TAP1: variants seen among roughly 807,000 people sequenced by gnomAD.
The protein encoded by TAP1 is antigen peptide transporter 1.
A neutral mutation model predicts 79.3 loss-of-function variants in TAP1; 56 were observed. The observed-to-expected ratio is 0.71, with a 90% CI of 0.57 to 0.88. TAP1 has a LOEUF of 0.88. TAP1 is among the 40% of genes least tolerant of loss of function. The pLI is 0.00. For synonymous variants in TAP1, 355 were observed against 401.4 expected (o/e 0.88, Z 1.38); for missense variants, 737 against 936.3 (o/e 0.79, Z 2.78).
Position 32,852,188 on chromosome 6 carries a change from G to T in TAP1, c.765C>A (p.His255Gln). Reference sequence around the variant, plus strand: ...CCTCTCCCTGCAAGTGGCTGTGCACGTGGCCCATGGTGTTGTTATAGATCC... The same window carrying T: ...CCTCTCCCTGCAAGTGGCTGTGCACTTGGCCCATGGTGTTGTTATAGATCC... ...GDGIYNNTMG[H>Q]VHSHLQGEVF... Residue 255 changes from histidine to glutamine, a missense_variant, in exon 3 of 11, where the codon CAC (histidine) becomes CAA (glutamine). Around this residue, in one of 5 missense-constraint regions of TAP1, gnomAD observed 406 missense variants for 477.2 expected, o/e 0.85. Transcript: ENST00000354258. The surrounding 1 kb of genome is among the most constrained non-coding windows in gnomAD (Gnocchi z 4.8). 6.2e-7 allele frequency: 1 copy of T among 1,613,002 alleles called. No individual in the cohort carries two copies. Among genetic ancestry groups the T allele is most frequent in the Non-Finnish European group, 8.5e-7 (1 of 1,180,008 alleles).
rs1770532085 is a variant in TAP1, at chr6:32,847,840, C to T, written c.1740+79G>A. On this transcript the variant is annotated intron_variant, in intron 8 of 10. Transcript: ENST00000354258. The surrounding 1 kb of genome is among the most constrained non-coding windows in gnomAD (Gnocchi z 4.7). ...CCAAGGTCTCTTATCATTCCCTAAC[C>T]CCTCTTTCAGAGTGCTCAGTAAGAA... 1 of 1,603,144 alleles carries T rather than the reference C, an allele frequency of 6.2e-7. No homozygotes were observed. Among genetic ancestry groups the T allele is most frequent in the Admixed American group, 1.7e-5 (1 of 60,012 alleles).
chr6:32,851,924 T>TGAGAGA lies in TAP1; in HGVS notation c.844+179_844+184dup, dbSNP rs35429362. On this transcript the variant is annotated intron_variant, in intron 3 of 10. Transcript: ENST00000354258. This position sits in a 1 kb window ranked among gnomAD's most constrained non-coding sequence, Gnocchi z 4.8. The stretch of plus-strand genomic sequence containing the variant: ...AAAAACAATTGTGTGTGTGTGTGTG[T>TGAGAGA]GAGAGAGAGAGAGAGAGAGACAGAG... Among the ~76,000 whole-genome samples, 5 of 147,336 alleles carry TGAGAGA rather than the reference T, an allele frequency of 3.4e-5. No individual in the cohort carries two copies. Among genetic ancestry groups the TGAGAGA allele is most frequent in the Admixed American group, 6.7e-5 (1 of 14,826 alleles).
Position 32,850,962 on chromosome 6 carries a change from C to A in TAP1, c.1032G>T (p.Lys344Asn). Residue 344 changes from lysine to asparagine, a missense_variant, in exon 4 of 11, where the codon AAG becomes AAT. Lys to Asn is a moderately conservative substitution (Grantham distance 94, BLOSUM62 0). Around this residue, in one of 5 missense-constraint regions of TAP1, gnomAD observed 406 missense variants for 477.2 expected, o/e 0.85. Transcript: ENST00000354258. This position sits in a 1 kb window ranked among gnomAD's most constrained non-coding sequence, Gnocchi z 5.5. The stretch of plus-strand genomic sequence containing the variant: ...AACATACCTGGTACCATTTTCCCAC[C>A]TTCTTGGGCAGAAGGAAAAGCAGAG... The part of the protein sequence containing the change: ...TLPLLFLLPK[K>N]VGKWYQLLEV... The A allele has an allele frequency of 6.2e-7, 1 of 1,612,852 alleles. No homozygotes were observed. Among genetic ancestry groups the A allele is most frequent in the Non-Finnish European group, 8.5e-7 (1 of 1,179,992 alleles).
intron 7 of TAP1, 72 bp downstream of exon 7, chr6:32,848,580 A>C: frequency 6.6e-7 from 1 of 1,522,504 alleles, no homozygotes; most frequent in South Asian, 1.1e-5. Context: ...AGCAGGCTGA[A>C]GGCAGGAAGA....
chr6:32,848,230 A>G (rs1232084995), intron 7 of TAP1, 138 bp from the exon 8 acceptor site: 1 of 1,180,680 alleles, frequency 8.5e-7, no homozygotes, highest in Non-Finnish European at 1.2e-6. Context: ...TCCCACATGC[A>G]CAGATTTCTG....
Position 32,851,672 on chromosome 6 carries a change from A to T in TAP1, c.844+437T>A, listed in dbSNP as rs958770658. Among the ~76,000 whole-genome samples the T allele has an allele frequency of 2.0e-5, 3 of 152,210 alleles. No individual in the cohort carries two copies. The highest frequency in any genetic ancestry group is 4.4e-5 in the Non-Finnish European group (3 of 68,042). On this transcript the variant is annotated intron_variant, in intron 3 of 10. Coordinates refer to ENST00000354258, the MANE Select transcript of TAP1 (RefSeq NM_000593.6). This position sits in a 1 kb window ranked among gnomAD's most constrained non-coding sequence, Gnocchi z 4.8. ...TCTAACCCCAAGTGTGTCTCTAGCC[A>T]TATGTAACTGTGCAGTTTCAGCATT... is the stretch of plus-strand genomic sequence containing the variant.
rs1330587423 is a variant in TAP1 at position 32,852,380 on chromosome 6, C to A, written c.713+8G>T. On this transcript the variant is annotated splice_region_variant and intron_variant, in intron 2 of 10. Transcript: ENST00000354258. The surrounding 1 kb of genome is among the most constrained non-coding windows in gnomAD (Gnocchi z 4.8). ...ATTTGCAGGGTGCCCCATTTTCAGC[C>A]CCCAGACCTGGCTATGGTGAGAATG... 6 of 1,612,878 alleles carry A rather than the reference C, an allele frequency of 3.7e-6. No individual in the cohort carries two copies. The highest frequency in any genetic ancestry group is 2.5e-6 in the Non-Finnish European group (3 of 1,180,012).
chr6:32,847,298 A>C lies in TAP1; in HGVS notation c.1904-94T>G. On this transcript the variant is annotated intron_variant, in intron 9 of 10. Coordinates refer to ENST00000354258, the MANE Select transcript of TAP1 (RefSeq NM_000593.6). The surrounding 1 kb of genome is among the most constrained non-coding windows in gnomAD (Gnocchi z 4.7). ...CACACTCATGCATTCACGCACTCAC[A>C]CACACCAAGATCTGACGGTTGTAGC... 1 of 1,569,244 alleles carries C rather than the reference A, an allele frequency of 6.4e-7. No individual in the cohort carries two copies. Among genetic ancestry groups the C allele is most frequent in the Admixed American group, 1.8e-5 (1 of 56,500 alleles).
In TAP1 at chr6:32,852,831, C is replaced by G; in HGVS notation, c.598+208G>C. The G allele has an allele frequency of 6.9e-7, 1 of 1,440,402 alleles. No homozygotes were observed. Among genetic ancestry groups the G allele is most frequent in the East Asian group, 2.5e-5 (1 of 40,244 alleles). The allele number at this position is 1,440,402 out of a possible 1,614,324, so 89.2% of individuals were successfully genotyped here. A position where few individuals can be genotyped will look rare whatever the true frequency, so the allele number is the denominator to read the frequency against. On this transcript the variant is annotated intron_variant, in intron 1 of 10. Coordinates refer to ENST00000354258, the MANE Select transcript of TAP1 (RefSeq NM_000593.6). The surrounding 1 kb of genome is among the most constrained non-coding windows in gnomAD (Gnocchi z 4.8). ...CGGCGTGGCCCAAAGAATCAAGACCCGGTCAGCAATGGAGCCCAGAACCTC... is the reference window on the plus strand; with the variant it reads ...CGGCGTGGCCCAAAGAATCAAGACCGGGTCAGCAATGGAGCCCAGAACCTC...
rs745757676 is a variant in TAP1 at position 32,847,020 on chromosome 6, G to C, written c.2040+48C>G. The stretch of plus-strand genomic sequence containing the variant: ...TAAAACTAACAGAAGATGTATAAAA[G>C]AAGCAAGATTGGGTGGGATATAGCC... On this transcript the variant is annotated intron_variant, in intron 10 of 10. Coordinates refer to ENST00000354258, the MANE Select transcript of TAP1 (RefSeq NM_000593.6). The surrounding 1 kb of genome is among the most constrained non-coding windows in gnomAD (Gnocchi z 4.7). 1.2e-6 allele frequency: 2 copies of C among 1,607,166 alleles called. No homozygotes were observed. The highest frequency in any genetic ancestry group is 1.7e-5 in the Admixed American group (1 of 60,022).
chr6:32,852,148 G>A lies in TAP1; in HGVS notation c.805C>T (p.Leu269=), dbSNP rs758910263. The A allele has an allele frequency of 1.9e-6, 3 of 1,612,906 alleles. No individual in the cohort carries two copies. Among genetic ancestry groups the A allele is most frequent in the African/African-American group, 1.3e-5 (1 of 74,888 alleles). Residue 269 remains leucine (L), a synonymous_variant, in exon 3 of 11, where the codon CTG becomes TTG. Transcript: ENST00000354258. This position sits in a 1 kb window ranked among gnomAD's most constrained non-coding sequence, Gnocchi z 4.8. The part of the protein sequence containing the change: ...HLQGEVFGAV[L]RQETEFFQQN... The stretch of plus-strand genomic sequence containing the variant: ...TGGAAAAACTCCGTCTCCTGGCGCA[G>A]GACAGCCCCAAACACCTCTCCCTGC...
At position 32,852,420 on chromosome 6, in the gene TAP1, G is replaced by A; in HGVS notation, c.681C>T (p.Asn227=). Residue 227 remains asparagine, a synonymous_variant, in exon 2 of 11, where the codon AAC becomes AAT. Coordinates refer to ENST00000354258, the MANE Select transcript of TAP1 (RefSeq NM_000593.6). This position sits in a 1 kb window ranked among gnomAD's most constrained non-coding sequence, Gnocchi z 4.8. The part of the protein sequence containing the change: ...QDGSADTFTR[N]LTLMSILTIA... ...TGGTGAGAATGGACATGAGAGTTAAGTTTCGAGTGAAGGTATCGGCTGAGC... is the reference window on the plus strand; with the variant it reads ...TGGTGAGAATGGACATGAGAGTTAAATTTCGAGTGAAGGTATCGGCTGAGC... 2 of 1,613,076 alleles carry A rather than the reference G, an allele frequency of 1.2e-6. No homozygotes were observed. The highest frequency in any genetic ancestry group is 1.7e-6 in the Non-Finnish European group (2 of 1,180,026).
At position 32,852,542 on chromosome 6, in the gene TAP1, CT is replaced by C. The variant is rs759042246; in HGVS notation, c.599-41del. 1.3e-5 allele frequency: 21 copies of C among 1,611,900 alleles called. 1 individual carries two copies. The South Asian group carries it at 2.3e-4, about 18-fold the overall frequency. On this transcript the variant is annotated intron_variant, in intron 1 of 10. Transcript: ENST00000354258. The surrounding 1 kb of genome is among the most constrained non-coding windows in gnomAD (Gnocchi z 4.8). ...GAGAGGTCACGCACAAATATTAAGT[CT>C]AAGTAGGTCAGTTCCAGTCAGACTG...
At position 32,853,544 on chromosome 6, in the gene TAP1, G is replaced by A. The variant is rs1770948499; in HGVS notation, c.93C>T (p.Ala31=). The part of the protein sequence containing the change: ...AWLGTVLLLL[A]DWVLLRTALP... ...GCGCGGTCCGGAGCAGCACCCAGTC[G>A]GCGAGAAGTAGCAGTACTGTCCCCA... The change falls in exon 1 of 11, where the codon GCC becomes GCT. Residue 31 remains alanine (A), a synonymous_variant. Transcript: ENST00000354258. This position sits in a 1 kb window ranked among gnomAD's most constrained non-coding sequence, Gnocchi z 8.3. 1.9e-6 allele frequency: 3 copies of A among 1,610,506 alleles called. No homozygotes were observed. The highest frequency in any genetic ancestry group is 2.2e-5 in the East Asian group (1 of 44,766).
chr6:32,847,448 G>A lies in TAP1; in HGVS notation c.1903+65C>T, dbSNP rs1770502617. 2.5e-6 allele frequency: 4 copies of A among 1,607,532 alleles called. No individual in the cohort carries two copies. Among genetic ancestry groups the A allele is most frequent in the South Asian group, 2.2e-5 (2 of 90,928 alleles). Reference sequence around the variant, plus strand: ...AGTAAGGAGGAACTGAAGGATAAAGGCAAGACTACTGGGGTTTCAGCAAAG... The same window carrying A: ...AGTAAGGAGGAACTGAAGGATAAAGACAAGACTACTGGGGTTTCAGCAAAG... On this transcript the variant is annotated intron_variant, in intron 9 of 10. Coordinates refer to ENST00000354258, the MANE Select transcript of TAP1 (RefSeq NM_000593.6). The surrounding 1 kb of genome is among the most constrained non-coding windows in gnomAD (Gnocchi z 4.7).
intron 5 of TAP1, chr6:32,849,526 G>T: frequency 6.7e-6 from 2 of 297,018 alleles, no homozygotes; most frequent in Non-Finnish European, 1.3e-5. Flanking sequence ...CGGATCACAA[G>T]GTCAGGAGAT....
chr6:32,845,566 T>A lies in TAP1; in HGVS notation c.*13A>T. ...AAGGGAGGGAGATGGAGTGCGCAGG[T>A]CTGAGAAGGCTTTCATTCTGGAGCA... On this transcript the variant is annotated 3_prime_UTR_variant, in exon 11 of 11. Coordinates refer to ENST00000354258, the MANE Select transcript of TAP1 (RefSeq NM_000593.6). The surrounding 1 kb of genome is among the most constrained non-coding windows in gnomAD (Gnocchi z 4.5). 6.2e-7 allele frequency: 1 copy of A among 1,612,844 alleles called. No homozygotes were observed. Among genetic ancestry groups the A allele is most frequent in the Non-Finnish European group, 8.5e-7 (1 of 1,179,898 alleles).
At position 32,850,045 on chromosome 6, in the gene TAP1, A is replaced by T; in HGVS notation, c.1248+275T>A. 1.8e-6 allele frequency: 1 copy of T among 551,852 alleles called. No homozygotes were observed. The highest frequency in any genetic ancestry group is 3.3e-6 in the Non-Finnish European group (1 of 307,276). 34.2% of individuals were successfully genotyped at this position (551,852 alleles called of 1,614,324 possible). A position where few individuals can be genotyped will look rare whatever the true frequency, so the allele number is the denominator to read the frequency against. On this transcript the variant is annotated intron_variant, in intron 5 of 10. Coordinates refer to ENST00000354258, the MANE Select transcript of TAP1 (RefSeq NM_000593.6). The surrounding 1 kb of genome is among the most constrained non-coding windows in gnomAD (Gnocchi z 5.5). ...GCCCTGCACTTCCCCTGAGAGGCAA[A>T]GGAAGGCCCTAGGACTGGAAGACAC... is the stretch of plus-strand genomic sequence containing the variant.
Position 32,852,492 on chromosome 6 carries a change from G to A in TAP1, c.609C>T (p.Ala203=), listed in dbSNP as rs1216590510. The change falls in exon 2 of 11, where the codon GCC becomes GCT. Residue 203 remains alanine, a synonymous_variant. Coordinates refer to ENST00000354258, the MANE Select transcript of TAP1 (RefSeq NM_000593.6). The surrounding 1 kb of genome is among the most constrained non-coding windows in gnomAD (Gnocchi z 4.8). ...LVVLSSLGEM[A]IPFFTGRLTD... is the part of the protein sequence containing the mutation. ...TGAGGCGGCCCGTAAAGAATGGAAT[G>A]GCCATCTCCCCTGGAGAAAGAGAAG... 6 of 1,612,896 alleles carry A rather than the reference G, an allele frequency of 3.7e-6. No homozygotes were observed. In the East Asian group the frequency reaches 8.9e-5, roughly 24 times the overall value.
Sources: allele counts gnomAD v4.1 joint callset (sites outside exome capture counted in the v4.1 genomes callset), GRCh38; gene constraint gnomAD v4.1.1; regional missense constraint gnomAD v4.1.1; non-coding constraint Gnocchi (gnomAD v3.1); transcripts MANE v1.5; gene names NCBI Gene and HGNC (gene_info 2026-07-23, HGNC 2026-07-21).